Variants in STK3 observed in about 807,000 individuals in gnomAD.
STK3 encodes the protein serine/threonine kinase 3, also known as serine/threonine-protein kinase 3.
STK3 carries 41 observed loss-of-function variants against 58.0 expected under a neutral mutation model. The ratio of observed to expected loss-of-function variants is 0.71; its 90% CI spans 0.55 to 0.92. The LOEUF is 0.92. Ranked by LOEUF, STK3 falls within the 40% of genes least tolerant of loss-of-function variation. The pLI, the probability that STK3 is intolerant of heterozygous loss-of-function variation, is 0.00. For synonymous variants in STK3, 170 were observed against 191.0 expected (o/e 0.89, Z 0.91); for missense variants, 479 against 602.7 (o/e 0.79, Z 2.15).
Position 98,825,589 on chromosome 8 carries a change from G to A in STK3, c.-49C>T. 2.8e-6 allele frequency: 4 copies of A among 1,406,272 alleles called. No homozygotes were observed. The highest frequency in any genetic ancestry group is 3.2e-5 in the East Asian group (1 of 31,216). 87.1% of individuals were successfully genotyped at this position (1,406,272 alleles called of 1,614,324 possible). ...ACCTGGTGGACGGCGAAGGCCGAAA[G>A]GAGGAAAGGAGCCGGGGCACCGGCC... On this transcript the variant is annotated 5_prime_UTR_variant, in exon 1 of 11. Transcript: ENST00000419617.
intron 6 of STK3, chr8:98,597,664 C>A: frequency 4.1e-6 from 4 of 985,366 alleles, no homozygotes; most frequent in Non-Finnish European, 4.8e-6. Context: ...TAAACTAGGA[C>A]ATATGTTCTT....
At chr8:98,540,595 C>T (rs939153946) in intron 9 of STK3, among the ~76,000 whole-genome samples, 2 of 152,052 alleles carry the variant, frequency 1.3e-5, no homozygotes, top group Non-Finnish European at 2.9e-5. Context: ...GGCTGGAGGC[C>T]GAGGTCCTGT....
At chr8:98,910,109 T>C (rs1839071016) in intron 1 of STK3, among the ~76,000 whole-genome samples, 1 of 152,240 alleles carries the variant, frequency 6.6e-6, no homozygotes, top group African/African-American at 2.4e-5. Context: ...GCTAAGCATC[T>C]CTTCATGTGT....
intron 10 of STK3, among the ~76,000 whole-genome samples, chr8:98,495,091 C>T (rs565042043): frequency 3.5e-4 from 54 of 152,176 alleles, no homozygotes; most frequent in Non-Finnish European, 6.9e-4. Context: ...CCCACTGTGA[C>T]TAAGCACGGA....
At chr8:98,927,733 C>T (rs1045318886) in intron 1 of STK3, among the ~76,000 whole-genome samples, 12 of 152,196 alleles carry the variant, frequency 7.9e-5, no homozygotes, top group African/African-American at 2.9e-4. Context: ...AGGAAAGACA[C>T]ACTTCCCTGC....
intron 7 of STK3, among the ~76,000 whole-genome samples, chr8:98,587,099 C>A (rs1200786756): frequency 6.6e-6 from 1 of 152,060 alleles, no homozygotes; most frequent in Non-Finnish European, 1.5e-5. Context: ...CTGTTTCCTT[C>A]AGTTCTGCTC....
At chr8:98,579,987 T>TA (rs1188581789) in intron 7 of STK3, among the ~76,000 whole-genome samples, 198 bp from the exon 8 acceptor site, 9 of 149,422 alleles carry the variant, frequency 6.0e-5, no homozygotes, top group East Asian at 1.9e-4. Context: ...GGGGCTTGTT[T>TA]AAAAAAAAAA....
intron 4 of STK3, among the ~76,000 whole-genome samples, chr8:98,730,579 A>G (rs531978985): frequency 1.3e-5 from 2 of 151,986 alleles, no homozygotes; most frequent in East Asian, 1.9e-4. Context: ...AGCCAGGCAT[A>G]GTGGTGCATG....
intron 3 of STK3, among the ~76,000 whole-genome samples, chr8:98,865,872 C>T (rs985709456): frequency 6.6e-6 from 1 of 152,226 alleles, no homozygotes; most frequent in African/African-American, 2.4e-5. Flanking sequence ...ACTAGGTTTT[C>T]TGCAAGGCCT....
chr8:98,431,979 G>A (rs562689747), intron 3 of STK3: 13 of 167,166 alleles, frequency 7.8e-5, no homozygotes, highest in African/African-American at 2.9e-4. Context: ...AGAACAACCC[G>A]GCTGGCTTAA....
At chr8:98,752,205 G>C (rs1257449697) in intron 3 of STK3, among the ~76,000 whole-genome samples, 1 of 151,980 alleles carries the variant, frequency 6.6e-6, no homozygotes, top group Non-Finnish European at 1.5e-5. Flanking sequence ...ATACACTACA[G>C]GGCTACAGTA....
intron 1 of STK3, among the ~76,000 whole-genome samples, chr8:98,823,730 G>C (rs553250056): frequency 1.3e-5 from 2 of 152,016 alleles, no homozygotes; most frequent in Non-Finnish European, 2.9e-5. Flanking sequence ...ACAGGGTCTC[G>C]CTCTGTCCCA....
chr8:98,579,246 G>C (rs957590660), intron 8 of STK3, among the ~76,000 whole-genome samples: 1 of 152,028 alleles, frequency 6.6e-6, no homozygotes. Context: ...AAAGTAAAAG[G>C]AATTAATAGC....
intron 6 of STK3, among the ~76,000 whole-genome samples, chr8:98,596,747 T>C (rs929039598): frequency 6.6e-6 from 1 of 152,042 alleles, no homozygotes; most frequent in Non-Finnish European, 1.5e-5. Flanking sequence ...TATAATTTAG[T>C]GGTAATGATA....
chr8:98,641,831 A>T (rs753915489), intron 6 of STK3, among the ~76,000 whole-genome samples: 2 of 152,220 alleles, frequency 1.3e-5, no homozygotes, highest in Admixed American at 1.3e-4. Context: ...CTCTCTGCCT[A>T]TAACAATCAA....
chr8:98,935,006 G>A (rs13275172), intron 1 of STK3, among the ~76,000 whole-genome samples: 9,263 of 152,128 alleles, frequency 0.061, 390 homozygotes, highest in Non-Finnish European at 0.095. Flanking sequence ...TAAAACTGTT[G>A]GTTGTCTCCC....
At chr8:98,915,608 C>A (rs948902546) in intron 1 of STK3, among the ~76,000 whole-genome samples, 9 of 151,522 alleles carry the variant, frequency 5.9e-5, no homozygotes, top group Non-Finnish European at 1.3e-4. Context: ...TTTGAGAAAT[C>A]TTTTTGAAAT....
downstream of STK3, among the ~76,000 whole-genome samples, chr8:98,366,271 G>T (rs972010213): frequency 6.6e-6 from 1 of 152,088 alleles, no homozygotes; most frequent in South Asian, 2.1e-4. Context: ...TGGACATTCA[G>T]GGTTCTTCTG....
chr8:98,898,596 T>TA (rs1292314607), intron 1 of STK3, among the ~76,000 whole-genome samples: 1 of 152,146 alleles, frequency 6.6e-6, no homozygotes, highest in Non-Finnish European at 1.5e-5. Flanking sequence ...ACAATCAATA[T>TA]AAAGAGCATT....
Sources: gnomAD v4.1 joint callset for allele counts (sites outside exome capture counted in the v4.1 genomes callset) on GRCh38, gnomAD v4.1.1 for gene constraint, MANE v1.5 for transcripts, NCBI Gene and HGNC (gene_info 2026-07-23, HGNC 2026-07-21) for gene names.